ZMYM2: variants seen among roughly 807,000 people sequenced by gnomAD.
ZMYM2 encodes the protein zinc finger MYM-type containing 2, also known as zinc finger MYM-type protein 2.
A neutral mutation model predicts 162.8 loss-of-function variants in ZMYM2; 56 were observed. The observed-to-expected ratio is 0.34, with a 90% confidence interval of 0.28 to 0.43. The LOEUF (loss-of-function observed/expected upper bound fraction) is 0.43. Ranked by LOEUF, ZMYM2 falls within the 20% of genes least tolerant of loss-of-function variation. The pLI is 1.00. For synonymous variants in ZMYM2, 510 were observed against 541.6 expected (o/e 0.94, Z 0.81); for missense variants, 1,275 against 1,621.8 (o/e 0.79, Z 3.67).
chr13:19,890,472 G>T, the ZMYM2 span, among the ~76,000 whole-genome samples: 1 of 94,996 alleles, frequency 1.1e-5, no homozygotes, highest in African/African-American at 3.8e-5. Flanking sequence ...ACTGCCCTAA[G>T]ATATTAAAGC....
chr13:20,009,205 T>G (rs1566284492), intron 6 of ZMYM2, among the ~76,000 whole-genome samples: 1 of 152,156 alleles, frequency 6.6e-6, no homozygotes. Flanking sequence ...CAACTGGACT[T>G]CAGCGCAGAC....
At chr13:19,913,212 A>C in the ZMYM2 span, among the ~76,000 whole-genome samples, 2 of 152,158 alleles carry the variant, frequency 1.3e-5, no homozygotes, top group African/African-American at 4.8e-5. Context: ...CATGCTCAGC[A>C]GATAACTACT....
At chr13:19,934,767 C>CTTTTTTTTTTT in the ZMYM2 span, among the ~76,000 whole-genome samples, 1 of 147,352 alleles carries the variant, frequency 6.8e-6, no homozygotes, top group African/African-American at 2.6e-5. Context: ...TTCTTTCTTT[C>CTTTTTTTTTTT]TTTCTTTTTT....
At chr13:20,004,119 T>C (rs7317308) in intron 4 of ZMYM2, among the ~76,000 whole-genome samples, 9,799 of 152,316 alleles carry the variant, frequency 0.064, 368 homozygotes, top group African/African-American at 0.099. Context: ...GTTCTCTACA[T>C]GTTTAATAAA....
At chr13:19,957,989 C>T (rs573210796), upstream of ZMYM2, among the ~76,000 whole-genome samples, 221 of 152,388 alleles carry the variant, frequency 1.5e-3, no homozygotes, top group Non-Finnish European at 2.8e-3. Context: ...TTCCCGGCCC[C>T]ACGGGGTTTG....
the ZMYM2 span, among the ~76,000 whole-genome samples, chr13:19,926,811 G>A: frequency 6.6e-6 from 1 of 152,132 alleles, no homozygotes; most frequent in Non-Finnish European, 1.5e-5. Flanking sequence ...GGGACCACAG[G>A]CACACATCAC....
intron 14 of ZMYM2, among the ~76,000 whole-genome samples, chr13:20,057,873 T>G (rs1200315985): frequency 6.6e-6 from 1 of 152,212 alleles, no homozygotes; most frequent in African/African-American, 2.4e-5. Context: ...GTACCTACAT[T>G]TTCTCCGTAT....
chr13:19,946,432 A>AT, the ZMYM2 span, among the ~76,000 whole-genome samples: 1 of 152,230 alleles, frequency 6.6e-6, no homozygotes, highest in Non-Finnish European at 1.5e-5. Flanking sequence ...TGTTCAGAGC[A>AT]TTACTTCTCT....
chr13:20,064,402 T>G, intron 18 of ZMYM2, 49 bp from the exon 19 acceptor site: 1 of 1,496,298 alleles, frequency 6.7e-7, no homozygotes, highest in South Asian at 1.2e-5. Flanking sequence ...TGTGTTTATG[T>G]AACCCTGTGC....
At chr13:20,012,709 A>C (rs1013186018) in intron 6 of ZMYM2, among the ~76,000 whole-genome samples, 1 of 151,894 alleles carries the variant, frequency 6.6e-6, no homozygotes, top group African/African-American at 2.4e-5. Flanking sequence ...CAGTTTTCCC[A>C]CCACCACCAC....
chr13:20,003,162 CAT>C (rs1950510848), intron 4 of ZMYM2, 27 bp downstream of exon 4: 2 of 1,584,044 alleles, frequency 1.3e-6, no homozygotes, highest in Non-Finnish European at 1.7e-6. Flanking sequence ...AACATAATTA[CAT>C]ATAGTTGAAT....
At chr13:20,010,492 G>T (rs187615840) in intron 6 of ZMYM2, among the ~76,000 whole-genome samples, 1 of 152,224 alleles carries the variant, frequency 6.6e-6, no homozygotes, top group Admixed American at 6.5e-5. Flanking sequence ...GTGAGCCACC[G>T]TACCTGGCCA....
intron 24 of ZMYM2, among the ~76,000 whole-genome samples, chr13:20,084,666 T>TC (rs1958134208): frequency 6.6e-6 from 1 of 152,202 alleles, no homozygotes; most frequent in Non-Finnish European, 1.5e-5. Context: ...GAATTTTTTT[T>TC]CCCCTCAATC....
chr13:19,869,246 G>T, the ZMYM2 span, among the ~76,000 whole-genome samples: 1 of 152,164 alleles, frequency 6.6e-6, no homozygotes, highest in East Asian at 1.9e-4. Context: ...TTGCTAGATG[G>T]TTATGCTGCC....
the ZMYM2 span, among the ~76,000 whole-genome samples, chr13:19,896,692 G>T: frequency 6.8e-6 from 1 of 147,446 alleles, no homozygotes; most frequent in Non-Finnish European, 1.5e-5. Flanking sequence ...GGGAGGCAGA[G>T]CTTGCAGTGA....
chr13:20,086,100 T>A lies in ZMYM2; in HGVS notation c.*86T>A, dbSNP rs1400886793. The A allele has an allele frequency of 7.2e-7, 1 of 1,387,446 alleles. No individual in the cohort carries two copies. The highest frequency in any genetic ancestry group is 2.2e-5 in the Admixed American group (1 of 45,810). 85.9% of individuals were successfully genotyped at this position (1,387,446 alleles called of 1,614,324 possible). A position where few individuals can be genotyped will look rare whatever the true frequency, so the allele number is the denominator to read the frequency against. On this transcript the variant is annotated 3_prime_UTR_variant, in exon 25 of 25. Coordinates refer to ENST00000610343, the MANE Select transcript of ZMYM2 (RefSeq NM_197968.4). ...TTTATTATGGAAAACATTTCAAGTTTACTCCTTCTGTTTTGAGTTTTGTAG... is the reference window on the plus strand; with the variant it reads ...TTTATTATGGAAAACATTTCAAGTTAACTCCTTCTGTTTTGAGTTTTGTAG...
intron 4 of ZMYM2, 35 bp from the exon 5 acceptor site, chr13:20,005,039 A>G (rs777042027): frequency 1.9e-6 from 3 of 1,550,308 alleles, no homozygotes; most frequent in Non-Finnish European, 1.7e-6. Flanking sequence ...ATTTCTTTTA[A>G]AATGGAATTT....
intron 2 of ZMYM2, among the ~76,000 whole-genome samples, chr13:19,971,735 A>AT (rs1166776610): frequency 6.6e-6 from 1 of 152,146 alleles, no homozygotes; most frequent in Non-Finnish European, 1.5e-5. Flanking sequence ...GCATTTGATG[A>AT]TTGCAGGCTG....
At chr13:20,010,177 A>T (rs1004005549) in intron 6 of ZMYM2, among the ~76,000 whole-genome samples, 6 of 152,056 alleles carry the variant, frequency 3.9e-5, no homozygotes, top group Admixed American at 3.9e-4. Context: ...ATGACAATGA[A>T]CAATTTTTCT....
Sources: gnomAD v4.1 joint callset for allele counts (sites outside exome capture counted in the v4.1 genomes callset) on GRCh38, gnomAD v4.1.1 for gene constraint, MANE v1.5 for transcripts, NCBI Gene and HGNC (gene_info 2026-07-23, HGNC 2026-07-21) for gene names.